The following MARCHF1 variants were observed in gnomAD, a reference collection of about 807,000 sequenced individuals.
MARCHF1 encodes the protein E3 ubiquitin-protein ligase MARCHF1.
In MARCHF1, 40 loss-of-function variants were observed where a neutral mutation model predicts 54.2. The ratio of observed to expected loss-of-function variants is 0.74; its 90% CI spans 0.57 to 0.96. The LOEUF (loss-of-function observed/expected upper bound fraction) is 0.96, where lower values mean the gene tolerates loss of function less well. MARCHF1 is among the 40% of genes least tolerant of loss of function. MARCHF1 has a pLI of 0.00. For missense variants in MARCHF1, 586 were observed against 656.5 expected, an observed-to-expected ratio of 0.89 and a Z score of 1.17; for synonymous variants, 236 against 236.3, an observed-to-expected ratio of 1.00 and a Z score of 0.01.
intron 3 of MARCHF1, among the ~76,000 whole-genome samples, chr4:163,986,249 C>CCTTTTTTTTTTTTTTTTTTT (rs1752864138): frequency 1.0e-4 from 3 of 28,830 alleles, no homozygotes; most frequent in Non-Finnish European, 2.3e-4. Context: ...TTAACCTCTT[C>CCTTTTTTTTTTTTTTTTTTT]TTTTTTTTTT....
chr4:164,097,704 G>A (rs1755446051), intron 2 of MARCHF1, among the ~76,000 whole-genome samples: 1 of 152,144 alleles, frequency 6.6e-6, no homozygotes, highest in African/African-American at 2.4e-5. Flanking sequence ...TGGCACTATG[G>A]TGACTCTGTA....
intron 1 of MARCHF1, among the ~76,000 whole-genome samples, chr4:164,351,568 A>C (rs1730336099): frequency 6.6e-6 from 1 of 152,178 alleles, no homozygotes; most frequent in South Asian, 2.1e-4. Context: ...GTTAGAAGGA[A>C]AACTAACAAA....
In MARCHF1 at chr4:164,023,701, G is replaced by A. The variant is rs183763615; in HGVS notation, c.-247-34992C>T. ...CCAGTATCCCCTTACCTTCAAATGA[G>A]CCCACTAGCTTCCCAGCAGTAGTTC... On this transcript the variant is annotated intron_variant, in intron 2 of 9. Transcript: ENST00000514618. 4.7e-4 allele frequency among the ~76,000 whole-genome samples: 71 copies of A among 152,194 alleles called. 1 individual carries two copies. The highest frequency in any genetic ancestry group is 1.2e-4 in the Non-Finnish European group (8 of 68,004).
At chr4:163,912,768 C>T (rs1236717698) in intron 3 of MARCHF1, among the ~76,000 whole-genome samples, 2 of 152,076 alleles carry the variant, frequency 1.3e-5, no homozygotes, top group African/African-American at 2.4e-5. Context: ...GATTGTCTGC[C>T]GGCCTTAACT....
chr4:163,576,298 C>G (rs1478839467), intron 8 of MARCHF1, among the ~76,000 whole-genome samples: 2 of 152,006 alleles, frequency 1.3e-5, no homozygotes, highest in Admixed American at 6.6e-5. Flanking sequence ...ATTGTTTACT[C>G]AAAAGTCATT....
At chr4:164,301,587 C>A (rs777394265) in intron 1 of MARCHF1, among the ~76,000 whole-genome samples, 1 of 152,012 alleles carries the variant, frequency 6.6e-6, no homozygotes, top group African/African-American at 2.4e-5. Context: ...TTAGCTAAAC[C>A]TTGGGAGTGG....
At chr4:163,916,092 G>A (rs1190330072) in intron 3 of MARCHF1, among the ~76,000 whole-genome samples, 1 of 152,184 alleles carries the variant, frequency 6.6e-6, no homozygotes, top group African/African-American at 2.4e-5. Flanking sequence ...GGTGGCCAGT[G>A]CATGGAACTT....
At chr4:163,852,060 T>G (rs562517411) in intron 4 of MARCHF1, among the ~76,000 whole-genome samples, 2 of 152,182 alleles carry the variant, frequency 1.3e-5, no homozygotes, top group Non-Finnish European at 2.9e-5. Context: ...TTTAATTCCA[T>G]TGGTAACTTG....
rs115872567 is a variant in MARCHF1 at position 163,526,832 on chromosome 4, A to G, written c.*1916T>C. 9.9e-3 allele frequency: 1,506 copies of G among 152,038 alleles called. 11 individuals are homozygous for G. The highest frequency in any genetic ancestry group is 0.016 in the Non-Finnish European group (1,076 of 67,884). 9.4% of individuals were successfully genotyped at this position (152,038 alleles called of 1,614,324 possible). A position where few individuals can be genotyped will look rare whatever the true frequency, so the allele number is the denominator to read the frequency against. On this transcript the variant is annotated 3_prime_UTR_variant, in exon 10 of 10. Transcript: ENST00000514618. ...CCCGCATATATACATGACTACACACACGCCATACACACACACAAAATTGAC... is the reference window on the plus strand; with the variant it reads ...CCCGCATATATACATGACTACACACGCGCCATACACACACACAAAATTGAC...
intron 1 of MARCHF1, among the ~76,000 whole-genome samples, chr4:164,239,983 ACATT>A (rs1732690640): frequency 6.6e-6 from 1 of 152,236 alleles, no homozygotes; most frequent in Non-Finnish European, 1.5e-5. Context: ...CTTGCTCTAA[ACATT>A]CAGTGTTGTC....
chr4:164,364,703 TA>T (rs1158837793), intron 1 of MARCHF1, among the ~76,000 whole-genome samples: 3 of 151,694 alleles, frequency 2.0e-5, no homozygotes, highest in African/African-American at 4.8e-5. Flanking sequence ...TTTTTTTTTT[TA>T]AATAAAAAGA....
chr4:164,050,188 T>C (rs1361166971), intron 2 of MARCHF1, among the ~76,000 whole-genome samples: 5 of 139,038 alleles, frequency 3.6e-5, no homozygotes, highest in Admixed American at 1.7e-4. Context: ...GGCAGGAGAA[T>C]CGCTTGAACC....
intron 1 of MARCHF1, among the ~76,000 whole-genome samples, chr4:164,285,426 A>T (rs1168067840): frequency 6.6e-6 from 1 of 151,814 alleles, no homozygotes; most frequent in Non-Finnish European, 1.5e-5. Context: ...ATAAAACAAA[A>T]ATGTTTAATT....
chr4:163,890,142 G>A (rs551004702), intron 3 of MARCHF1, among the ~76,000 whole-genome samples: 6 of 148,610 alleles, frequency 4.0e-5, no homozygotes, highest in Non-Finnish European at 7.4e-5. Flanking sequence ...CACCGTGTTA[G>A]CCAGGATGGT....
At chr4:163,629,255 C>T (rs1194055368) in intron 5 of MARCHF1, among the ~76,000 whole-genome samples, 28 of 152,182 alleles carry the variant, frequency 1.8e-4, no homozygotes, top group Middle Eastern at 3.4e-3. Flanking sequence ...TAACGCCACA[C>T]ATCTACAACC....
chr4:163,721,970 C>CA (rs1459700488), intron 4 of MARCHF1, among the ~76,000 whole-genome samples: 1 of 151,882 alleles, frequency 6.6e-6, no homozygotes, highest in Non-Finnish European at 1.5e-5. Flanking sequence ...TTGATCGTTT[C>CA]AAAAAACCAG....
chr4:164,121,824 T>G (rs1320542117), intron 1 of MARCHF1, among the ~76,000 whole-genome samples: 3 of 152,034 alleles, frequency 2.0e-5, no homozygotes, highest in African/African-American at 7.2e-5. Context: ...AAGGAGAGAT[T>G]ACTTCCAAAT....
At chr4:163,804,015 C>A (rs1748157153) in intron 4 of MARCHF1, among the ~76,000 whole-genome samples, 1 of 152,088 alleles carries the variant, frequency 6.6e-6, no homozygotes, top group South Asian at 2.1e-4. Context: ...CTTTTCTAGA[C>A]AAGTTAAGGC....
intron 4 of MARCHF1, among the ~76,000 whole-genome samples, chr4:163,779,948 T>C (rs1009131867): frequency 6.6e-6 from 1 of 152,296 alleles, no homozygotes; most frequent in Non-Finnish European, 1.5e-5. Flanking sequence ...GTGAAAGCAG[T>C]GCAGCTGAGG....
Sources: gnomAD v4.1 joint callset for allele counts (sites outside exome capture counted in the v4.1 genomes callset) on GRCh38, gnomAD v4.1.1 for gene constraint, MANE v1.5 for transcripts, NCBI Gene and HGNC (gene_info 2026-07-23, HGNC 2026-07-21) for gene names.